Variants in MORN2 observed in about 807,000 individuals in gnomAD.
The protein encoded by MORN2 is MORN repeat containing 2.
In MORN2, 15 loss-of-function variants were observed where a neutral mutation model predicts 13.4. The observed-to-expected ratio is 1.12, with a 90% CI of 0.75 to 1.72. The LOEUF (loss-of-function observed/expected upper bound fraction) is 1.72, where lower values mean the gene tolerates loss of function less well. Ranked by LOEUF, MORN2 falls within the 40% of genes most tolerant of loss-of-function variation. The pLI is 0.00. For missense variants in MORN2, 168 were observed against 134.6 expected, an observed-to-expected ratio of 1.25 and a Z score of -1.23; for synonymous variants, 46 against 43.6, an observed-to-expected ratio of 1.06 and a Z score of -0.22.
At chr2:38,878,281 T>G (rs771524456) in intron 1 of MORN2, among the ~76,000 whole-genome samples, 3 of 152,228 alleles carry the variant, frequency 2.0e-5, no homozygotes, top group Non-Finnish European at 4.4e-5. Flanking sequence ...TTGCTTGTTT[T>G]TAACTAGCCT....
At chr2:38,877,864 C>T (rs151138964) in intron 1 of MORN2, among the ~76,000 whole-genome samples, 2 of 151,878 alleles carry the variant, frequency 1.3e-5, no homozygotes, top group Admixed American at 6.6e-5. Context: ...AGGGTGTGAT[C>T]GGACTCACTG....
At position 38,880,713 on chromosome 2, in the gene MORN2, T is replaced by A. The variant is rs936256086; in HGVS notation, c.216+7T>A. The A allele has an allele frequency of 6.5e-7, 1 of 1,549,960 alleles. No individual in the cohort carries two copies. The highest frequency in any genetic ancestry group is 8.7e-7 in the Non-Finnish European group (1 of 1,146,704). On this transcript the variant is annotated splice_region_variant and intron_variant, in intron 3 of 4. Coordinates refer to ENST00000644631, the MANE Select transcript of MORN2 (RefSeq NM_001145450.3). ...AAGCTGGAAAGATGACAAGGTATTA[T>A]TGTTGTTTTTAATATTGGCAGTGGA... is the stretch of plus-strand genomic sequence containing the variant.
At chr2:38,880,945 AT>A (rs970556466) in intron 3 of MORN2, among the ~76,000 whole-genome samples, 1 of 152,176 alleles carries the variant, frequency 6.6e-6, no homozygotes, top group Admixed American at 6.6e-5. Flanking sequence ...CCGTTACATA[AT>A]TTTCTCATTT....
intron 1 of MORN2, among the ~76,000 whole-genome samples, chr2:38,879,975 T>C (rs1665738917): frequency 5.3e-5 from 8 of 152,190 alleles, no homozygotes. Flanking sequence ...GAAAGCACAT[T>C]GGGTATAGGT....
intron 2 of MORN2, among the ~76,000 whole-genome samples, 159 bp downstream of exon 2, chr2:38,880,388 A>G (rs1665747730): frequency 1.3e-5 from 2 of 152,230 alleles, no homozygotes. Context: ...TAAAATCAAA[A>G]TTCCAATGCC....
At chr2:38,881,667 T>C (rs376104773) in intron 4 of MORN2, 89 bp downstream of exon 4, 49 of 1,074,424 alleles carry the variant, frequency 4.6e-5, no homozygotes, top group African/African-American at 2.0e-4. Context: ...TATTTATTTA[T>C]TGAGACAGAG....
At chr2:38,878,394 T>C (rs1254607238) in intron 1 of MORN2, among the ~76,000 whole-genome samples, 2 of 152,230 alleles carry the variant, frequency 1.3e-5, no homozygotes, top group African/African-American at 4.8e-5. Flanking sequence ...TTTTCTTCAG[T>C]TCTGAGAAAA....
At chr2:38,876,311 C>G (rs1045501537) in intron 1 of MORN2, 2 of 391,334 alleles carry the variant, frequency 5.1e-6, no homozygotes, top group African/African-American at 2.1e-5. Context: ...TTGAGACACC[C>G]GAGGCGCGTG....
chr2:38,882,244 T>G (rs1353095399), intron 4 of MORN2, among the ~76,000 whole-genome samples, 169 bp from the exon 5 acceptor site: 6 of 150,924 alleles, frequency 4.0e-5, no homozygotes, highest in Non-Finnish European at 5.9e-5. Context: ...TTTTTTGGTT[T>G]GTTTGTTTTT....
At chr2:38,877,105 A>G (rs563014676) in intron 1 of MORN2, among the ~76,000 whole-genome samples, 2 of 152,274 alleles carry the variant, frequency 1.3e-5, no homozygotes, top group African/African-American at 4.8e-5. Context: ...CTAGTTAGTT[A>G]TCATTAGTTA....
chr2:38,877,514 TTA>T (rs1253635961), intron 1 of MORN2, among the ~76,000 whole-genome samples: 2 of 152,082 alleles, frequency 1.3e-5, no homozygotes, highest in African/African-American at 2.4e-5. Context: ...TTTCTAAGAT[TTA>T]GTGTTAATTA....
intron 3 of MORN2, 103 bp from the exon 4 acceptor site, chr2:38,881,339 T>G: frequency 9.8e-7 from 1 of 1,019,544 alleles, no homozygotes; most frequent in Non-Finnish European, 1.4e-6. Flanking sequence ...CAAAGTTGGT[T>G]AAGTAATAAT....
At chr2:38,878,175 T>A (rs1183897216) in intron 1 of MORN2, among the ~76,000 whole-genome samples, 4 of 152,224 alleles carry the variant, frequency 2.6e-5, no homozygotes, top group Admixed American at 6.5e-5. Flanking sequence ...AATAATTTTG[T>A]CTCGGAATTT....
intron 1 of MORN2, 48 bp from the exon 2 acceptor site, chr2:38,880,131 C>A (rs1232078812): frequency 5.0e-6 from 2 of 396,204 alleles, no homozygotes; most frequent in East Asian, 3.6e-5. Context: ...TTGCCTCTAT[C>A]GAAAAAAAAG....
At chr2:38,877,873 T>G (rs1367533963) in intron 1 of MORN2, among the ~76,000 whole-genome samples, 2 of 151,950 alleles carry the variant, frequency 1.3e-5, no homozygotes, top group East Asian at 1.9e-4. Context: ...TCGGACTCAC[T>G]GCAGCCTTCA....
chr2:38,879,697 C>T (rs1401833665), intron 1 of MORN2, among the ~76,000 whole-genome samples: 2 of 151,966 alleles, frequency 1.3e-5, no homozygotes, highest in Non-Finnish European at 2.9e-5. Flanking sequence ...GAGTTTCTTT[C>T]TGGGATGATT....
intron 1 of MORN2, among the ~76,000 whole-genome samples, chr2:38,879,950 C>T (rs114348741): frequency 0.01 from 1,525 of 152,108 alleles, 18 homozygotes; most frequent in East Asian, 0.052. Flanking sequence ...GAAGTAAGTC[C>T]ATTTGGATAG....
In MORN2 at chr2:38,876,091, C is replaced by A. The variant is rs575669037; in HGVS notation, c.39C>A (p.Leu13=). The change falls in exon 1 of 5, where the codon CTC becomes CTA. Residue 13 remains leucine (L), a synonymous_variant. Coordinates refer to ENST00000644631, the MANE Select transcript of MORN2 (RefSeq NM_001145450.3). ...GGGAGTCGCAGAGTTTGGAAGATCTCTCTAACACCTCTCGGCCAAGTGAGT... is the reference window on the plus strand; with the variant it reads ...GGGAGTCGCAGAGTTTGGAAGATCTATCTAACACCTCTCGGCCAAGTGAGT... 1.0e-4 allele frequency: 40 copies of A among 398,816 alleles called. No homozygotes were observed. The highest frequency in any genetic ancestry group is 8.0e-4 in the African/African-American group (39 of 48,766). 24.7% of individuals were successfully genotyped at this position (398,816 alleles called of 1,614,324 possible).
At chr2:38,879,376 A>T (rs376641498) in intron 1 of MORN2, among the ~76,000 whole-genome samples, 18 of 152,310 alleles carry the variant, frequency 1.2e-4, no homozygotes, top group African/African-American at 4.3e-4. Flanking sequence ...ACTGGAAACA[A>T]CCTACATGTC....
Sources: gnomAD v4.1 joint callset for allele counts (sites outside exome capture counted in the v4.1 genomes callset) on GRCh38, gnomAD v4.1.1 for gene constraint, MANE v1.5 for transcripts, NCBI Gene and HGNC (gene_info 2026-07-23, HGNC 2026-07-21) for gene names.